EGFLAM: variants seen among roughly 807,000 people sequenced by gnomAD.
EGFLAM encodes pikachurin.
Under a neutral mutation model 113.1 loss-of-function variants are expected in EGFLAM, and 79 were observed. The observed-to-expected ratio is 0.70, with a 90% confidence interval of 0.58 to 0.84. The LOEUF is 0.84. EGFLAM is among the 40% of genes least tolerant of loss of function. EGFLAM has a pLI of 0.00. For synonymous variants in EGFLAM, 504 were observed against 487.6 expected (o/e 1.03, Z -0.44); for missense variants, 1,265 against 1,291.6 (o/e 0.98, Z 0.32).
intron 1 of EGFLAM, among the ~76,000 whole-genome samples, chr5:38,335,378 A>G (rs1446818128): frequency 6.6e-6 from 1 of 152,176 alleles, no homozygotes; most frequent in Admixed American, 6.5e-5. Flanking sequence ...CGTGCTCTGA[A>G]AAGCAGAGTT....
At chr5:38,274,100 A>G (rs1476527172) in intron 1 of EGFLAM, among the ~76,000 whole-genome samples, 1 of 152,242 alleles carries the variant, frequency 6.6e-6, no homozygotes, top group Non-Finnish European at 1.5e-5. Flanking sequence ...AAAGTTTATT[A>G]AACAGAAGAA....
Position 38,438,275 on chromosome 5 carries a change from A to T in EGFLAM, c.2284A>T (p.Ile762Phe). 6.2e-7 allele frequency: 1 copy of T among 1,611,556 alleles called. No individual in the cohort carries two copies. The highest frequency in any genetic ancestry group is 8.5e-7 in the Non-Finnish European group (1 of 1,178,572). The change falls in exon 17 of 22, where the codon ATC becomes TTC. Residue 762 changes from isoleucine to phenylalanine, a missense_variant and splice_region_variant. Ile to Phe is a conservative substitution (Grantham distance 21). Transcript: ENST00000322350. ...TTTCTTTATGTTTTTCTCTCTCAAG[A>T]TCATCCTGAATGACCGAACCATCCA... Reference protein sequence around the residue: ...LKPFSGSIQKIILNDRTIHVK... With the variant: ...LKPFSGSIQKFILNDRTIHVK...
At chr5:38,365,808 T>C (rs1740044267) in intron 5 of EGFLAM, among the ~76,000 whole-genome samples, 1 of 152,220 alleles carries the variant, frequency 6.6e-6, no homozygotes, top group African/African-American at 2.4e-5. Flanking sequence ...AAATGTTTAC[T>C]TACTGTGAGT....
At chr5:38,415,839 G>A (rs1000076544) in intron 11 of EGFLAM, among the ~76,000 whole-genome samples, 6 of 152,232 alleles carry the variant, frequency 3.9e-5, no homozygotes, top group Admixed American at 1.3e-4. Flanking sequence ...CCTTCTTTAT[G>A]TGGCAGCAGC....
chr5:38,432,017 AG>A (rs1042106879), intron 15 of EGFLAM, among the ~76,000 whole-genome samples: 1 of 152,196 alleles, frequency 6.6e-6, no homozygotes, highest in African/African-American at 2.4e-5. Context: ...TTTAATTCCA[AG>A]GTTATGTTCA....
chr5:38,412,070 G>T, intron 10 of EGFLAM, among the ~76,000 whole-genome samples: 1 of 152,192 alleles, frequency 6.6e-6, no homozygotes, highest in East Asian at 1.9e-4. Flanking sequence ...AAAGTGCTGG[G>T]ATTACAGACG....
intron 1 of EGFLAM, among the ~76,000 whole-genome samples, chr5:38,283,217 T>A (rs777185041): frequency 1.3e-4 from 20 of 152,198 alleles, no homozygotes; most frequent in Middle Eastern, 3.4e-3. Flanking sequence ...GTTCTCCAAT[T>A]GCAGATATTC....
chr5:38,357,593 A>C (rs2112002166), intron 5 of EGFLAM, among the ~76,000 whole-genome samples: 1 of 152,280 alleles, frequency 6.6e-6, no homozygotes, highest in East Asian at 1.9e-4. Context: ...TTTCTGTGTG[A>C]GCCAAAAGGT....
intron 5 of EGFLAM, among the ~76,000 whole-genome samples, chr5:38,362,773 G>A (rs908965904): frequency 6.6e-6 from 1 of 152,138 alleles, no homozygotes; most frequent in African/African-American, 2.4e-5. Flanking sequence ...AAGTCCCTTT[G>A]CTCAGGCCCT....
chr5:38,433,626 A>T (rs534061659), intron 15 of EGFLAM, among the ~76,000 whole-genome samples: 1 of 152,350 alleles, frequency 6.6e-6, no homozygotes, highest in Admixed American at 6.5e-5. Flanking sequence ...GGACACAGCC[A>T]TAATGCAATT....
intron 1 of EGFLAM, among the ~76,000 whole-genome samples, chr5:38,276,953 G>C (rs956251543): frequency 1.3e-5 from 2 of 152,140 alleles, no homozygotes; most frequent in African/African-American, 4.8e-5. Context: ...CACAGAACCT[G>C]ATGGTGTCAC....
chr5:38,355,315 C>T (rs1002369373), intron 5 of EGFLAM, among the ~76,000 whole-genome samples: 1 of 152,112 alleles, frequency 6.6e-6, no homozygotes, highest in Non-Finnish European at 1.5e-5. Context: ...CAACATTGCT[C>T]CTGAGGGTAT....
intron 1 of EGFLAM, among the ~76,000 whole-genome samples, chr5:38,319,869 C>G (rs1211609446): frequency 2.6e-5 from 4 of 152,220 alleles, no homozygotes; most frequent in African/African-American, 9.6e-5. Context: ...AGGGCCACCT[C>G]AGGAGCTTCT....
intron 3 of EGFLAM, among the ~76,000 whole-genome samples, chr5:38,339,955 A>G (rs768975478): frequency 6.6e-6 from 1 of 152,178 alleles, no homozygotes; most frequent in Non-Finnish European, 1.5e-5. Context: ...GGAACTTTCA[A>G]TAAGCTCATT....
intron 6 of EGFLAM, among the ~76,000 whole-genome samples, chr5:38,394,556 C>T (rs1579863137): frequency 1.3e-5 from 2 of 151,532 alleles, no homozygotes; most frequent in South Asian, 4.2e-4. Context: ...ACTACAGGCA[C>T]CCGCCACCAC....
chr5:38,372,385 T>A (rs896326995), intron 6 of EGFLAM, among the ~76,000 whole-genome samples: 1 of 152,120 alleles, frequency 6.6e-6, no homozygotes, highest in Non-Finnish European at 1.5e-5. Flanking sequence ...GGTCTCGAAC[T>A]CCTGACCTTG....
At chr5:38,350,665 G>A in intron 4 of EGFLAM, 47 bp downstream of exon 4, 1 of 1,548,982 alleles carries the variant, frequency 6.5e-7, no homozygotes, top group Non-Finnish European at 8.9e-7. Context: ...TGCTATCCAT[G>A]CATCCTTCAT....
intron 1 of EGFLAM, among the ~76,000 whole-genome samples, chr5:38,304,420 T>C (rs1277751114): frequency 2.0e-5 from 3 of 152,112 alleles, no homozygotes; most frequent in African/African-American, 7.2e-5. Flanking sequence ...CCATCACAAT[T>C]GGAGATATGG....
rs150721683 is a variant in EGFLAM, at chr5:38,354,384, A to G, written c.545+2053A>G. Among the ~76,000 whole-genome samples, 153 of 152,352 alleles carry G rather than the reference A, an allele frequency of 1.0e-3. 1 individual carries two copies. The highest frequency in any genetic ancestry group is 3.4e-3 in the African/African-American group (143 of 41,590). ...ACATTTATAATTTACTTCCACAGAT[A>G]CATTAGACAACACCAGCAAAGCAAG... On this transcript the variant is annotated intron_variant, in intron 5 of 21. Coordinates refer to ENST00000322350, the MANE Select transcript of EGFLAM (RefSeq NM_152403.4).
Sources: gnomAD v4.1 joint callset for allele counts (sites outside exome capture counted in the v4.1 genomes callset) on GRCh38, gnomAD v4.1.1 for gene constraint, MANE v1.5 for transcripts, NCBI Gene and HGNC (gene_info 2026-07-23, HGNC 2026-07-21) for gene names.